PDCL2: variants seen among roughly 807,000 people sequenced by gnomAD.
The protein encoded by PDCL2 is phosducin like 2.
Under a neutral mutation model 30.3 loss-of-function variants are expected in PDCL2, and 23 were observed. The observed-to-expected ratio is 0.76, with a 90% CI of 0.55 to 1.08. The LOEUF is 1.08. PDCL2 is among the 50% of genes least tolerant of loss of function. The pLI is 0.00. For missense variants in PDCL2, 243 were observed against 282.3 expected (o/e 0.86, Z 1.00); for synonymous variants, 68 against 86.2 (o/e 0.79, Z 1.17).
At chr4:55,572,949 A>G (rs1329838689) in intron 3 of PDCL2, among the ~76,000 whole-genome samples, 1 of 152,072 alleles carries the variant, frequency 6.6e-6, no homozygotes, top group Non-Finnish European at 1.5e-5. Context: ...TAGTAGAGAC[A>G]GGGTTTCACC....
chr4:55,579,261 G>A (rs1732644976), intron 3 of PDCL2, among the ~76,000 whole-genome samples: 1 of 151,894 alleles, frequency 6.6e-6, no homozygotes, highest in South Asian at 2.1e-4. Flanking sequence ...CACACACCGT[G>A]GGATCAAGCA....
chr4:55,591,215 A>G (rs1732989476), intron 1 of PDCL2, among the ~76,000 whole-genome samples: 1 of 152,056 alleles, frequency 6.6e-6, no homozygotes, highest in African/African-American at 2.4e-5. Context: ...AATGAGAAAA[A>G]TCCCAGTGGT....
At chr4:55,591,383 T>TTTTG (rs112801591) in intron 1 of PDCL2, among the ~76,000 whole-genome samples, 20 of 147,894 alleles carry the variant, frequency 1.4e-4, no homozygotes, top group South Asian at 4.7e-4. Flanking sequence ...AAGTCTGAGT[T>TTTTG]TTTGTTTGTT....
intron 1 of PDCL2, among the ~76,000 whole-genome samples, chr4:55,587,564 A>AT (rs975373363): frequency 4.0e-4 from 59 of 145,730 alleles, no homozygotes; most frequent in South Asian, 8.7e-4. Flanking sequence ...TTTTTTTTAA[A>AT]TTTTTTTTTT....
intron 2 of PDCL2, among the ~76,000 whole-genome samples, chr4:55,581,879 T>C (rs535883345): frequency 1.2e-4 from 18 of 152,224 alleles, no homozygotes; most frequent in African/African-American, 4.1e-4. Flanking sequence ...AATTTTGTTT[T>C]TGTATTTTTA....
chr4:55,560,960 T>C (rs1732117089), intron 5 of PDCL2, among the ~76,000 whole-genome samples: 1 of 152,210 alleles, frequency 6.6e-6, no homozygotes, highest in African/African-American at 2.4e-5. Context: ...GAGACATTAA[T>C]ATAAAGTTTC....
At chr4:55,581,319 C>T (rs899713228) in intron 2 of PDCL2, among the ~76,000 whole-genome samples, 11 of 151,756 alleles carry the variant, frequency 7.2e-5, no homozygotes, top group African/African-American at 2.7e-4. Flanking sequence ...AAAAGAGTAT[C>T]TTTAAACAAA....
chr4:55,578,228 C>A (rs1422855444), intron 3 of PDCL2, among the ~76,000 whole-genome samples: 1 of 152,192 alleles, frequency 6.6e-6, no homozygotes, highest in African/African-American at 2.4e-5. Flanking sequence ...AGCCTCTGTC[C>A]CTGTACATCC....
chr4:55,592,036 C>T lies in PDCL2; in HGVS notation c.6+68G>A, dbSNP rs955872117. 3 of 1,587,048 alleles carry T rather than the reference C, an allele frequency of 1.9e-6. No individual in the cohort carries two copies. In the Admixed American group the frequency reaches 5.3e-5, roughly 28 times the overall value. On this transcript the variant is annotated intron_variant, in intron 1 of 5. Coordinates refer to ENST00000295645, the MANE Select transcript of PDCL2 (RefSeq NM_152401.3). ...GTGTCCGCCCTCCCCATTTGTGTCCCTTGGCTTCGGGCCCAGCTGGAGACC... is the reference window on the plus strand; with the variant it reads ...GTGTCCGCCCTCCCCATTTGTGTCCTTTGGCTTCGGGCCCAGCTGGAGACC...
At chr4:55,581,041 TCC>T (rs1732696699) in intron 2 of PDCL2, 130 bp from the exon 3 acceptor site, 1 of 593,300 alleles carries the variant, frequency 1.7e-6, no homozygotes, top group African/African-American at 1.9e-5. Context: ...TGCGATGGAA[TCC>T]CAGTACTTTG....
chr4:55,579,877 G>A (rs375847768), intron 3 of PDCL2, among the ~76,000 whole-genome samples: 85 of 146,618 alleles, frequency 5.8e-4, no homozygotes, highest in African/African-American at 2.0e-3. Flanking sequence ...GTGGAGTTTC[G>A]CTCTTGTTGC....
chr4:55,588,844 A>G (rs955178676), intron 1 of PDCL2, among the ~76,000 whole-genome samples: 13 of 148,190 alleles, frequency 8.8e-5, no homozygotes, highest in Admixed American at 4.8e-4. Context: ...TCTGTTTTAT[A>G]GTTTTCAGTA....
chr4:55,585,779 T>C (rs1206953075), intron 1 of PDCL2, among the ~76,000 whole-genome samples: 2 of 152,216 alleles, frequency 1.3e-5, no homozygotes. Flanking sequence ...TGGTAGGCTA[T>C]ATGTGTCTAT....
intron 3 of PDCL2, among the ~76,000 whole-genome samples, chr4:55,572,008 T>C (rs1166665235): frequency 6.6e-6 from 1 of 152,040 alleles, no homozygotes; most frequent in Admixed American, 6.5e-5. Context: ...CTTGTTCCAA[T>C]GATGACACCA....
chr4:55,567,281 T>G (rs529567855), intron 4 of PDCL2, among the ~76,000 whole-genome samples: 1 of 152,280 alleles, frequency 6.6e-6, no homozygotes, highest in African/African-American at 2.4e-5. Context: ...GCCTGTAATC[T>G]CAATACTCTG....
intron 2 of PDCL2, among the ~76,000 whole-genome samples, chr4:55,581,547 G>A (rs1732713046): frequency 2.0e-5 from 3 of 152,158 alleles, no homozygotes; most frequent in African/African-American, 7.2e-5. Flanking sequence ...TAATAAGGCA[G>A]AGGGACATGG....
intron 3 of PDCL2, among the ~76,000 whole-genome samples, chr4:55,580,258 G>A (rs1732676608): frequency 1.3e-5 from 2 of 152,148 alleles, no homozygotes; most frequent in African/African-American, 4.8e-5. Context: ...TTTCCTTAAA[G>A]ATTTTGTGTT....
chr4:55,584,666 G>A (rs1201651877), intron 1 of PDCL2, among the ~76,000 whole-genome samples: 2 of 152,094 alleles, frequency 1.3e-5, no homozygotes, highest in Non-Finnish European at 2.9e-5. Flanking sequence ...ACATATACAA[G>A]ATTACATCAT....
intron 1 of PDCL2, among the ~76,000 whole-genome samples, chr4:55,585,447 G>C (rs1256618366): frequency 6.6e-6 from 1 of 152,082 alleles, no homozygotes; most frequent in Non-Finnish European, 1.5e-5. Context: ...AGAATCACTT[G>C]AACCCGGGAG....
Sources: allele counts gnomAD v4.1 joint callset (sites outside exome capture counted in the v4.1 genomes callset), GRCh38; gene constraint gnomAD v4.1.1; transcripts MANE v1.5; gene names NCBI Gene and HGNC (gene_info 2026-07-23, HGNC 2026-07-21).